Variants in PPM1E observed in about 807,000 individuals in gnomAD.
PPM1E encodes the protein protein phosphatase, Mg2+/Mn2+ dependent 1E, also known as protein phosphatase 1E.
PPM1E carries 20 observed loss-of-function variants against 65.9 expected under a neutral mutation model. The observed-to-expected ratio is 0.30, with a 90% CI of 0.21 to 0.44. PPM1E has a LOEUF of 0.44. Among genes scored for constraint, PPM1E ranks in the 20% least tolerant of loss-of-function variants. PPM1E has a pLI of 1.00. For synonymous variants in PPM1E, 352 were observed against 374.9 expected (o/e 0.94, Z 0.70); for missense variants, 713 against 953.1 (o/e 0.75, Z 3.32).
intron 1 of PPM1E, among the ~76,000 whole-genome samples, chr17:58,907,703 A>G (rs1346493149): frequency 6.6e-6 from 1 of 152,078 alleles, no homozygotes; most frequent in African/African-American, 2.4e-5. Flanking sequence ...GGATTATCAT[A>G]TTTTCTTGGG....
intron 1 of PPM1E, among the ~76,000 whole-genome samples, chr17:58,901,682 A>T (rs1210841898): frequency 1.3e-5 from 2 of 151,636 alleles, no homozygotes; most frequent in Non-Finnish European, 2.9e-5. Context: ...CTCAAAAAAT[A>T]ATAATAAAAT....
intron 6 of PPM1E, among the ~76,000 whole-genome samples, chr17:58,978,224 G>C (rs758754042): frequency 3.9e-5 from 6 of 152,172 alleles, no homozygotes; most frequent in Admixed American, 6.5e-5. Flanking sequence ...TTTGGACCCA[G>C]GCAGTCTGAC....
chr17:58,955,126 A>G (rs2029867590), intron 1 of PPM1E, among the ~76,000 whole-genome samples: 1 of 152,006 alleles, frequency 6.6e-6, no homozygotes. Context: ...GCACTTTGGG[A>G]GGCCAAGGTG....
chr17:58,881,036 T>A (rs893630065), intron 1 of PPM1E, among the ~76,000 whole-genome samples: 1 of 152,184 alleles, frequency 6.6e-6, no homozygotes, highest in African/African-American at 2.4e-5. Flanking sequence ...ACGCAGCAAG[T>A]AAAGTCATTA....
At chr17:58,798,423 C>G (rs965143808) in intron 1 of PPM1E, among the ~76,000 whole-genome samples, 10 of 151,414 alleles carry the variant, frequency 6.6e-5, no homozygotes, top group African/African-American at 2.4e-4. Flanking sequence ...CAGGGTTTCA[C>G]CATGTTGGTC....
chr17:58,934,308 CA>C (rs1283029624), intron 1 of PPM1E, among the ~76,000 whole-genome samples: 2 of 151,882 alleles, frequency 1.3e-5, no homozygotes. Context: ...GTAGTGTGCA[CA>C]AAAAGTTATG....
Position 58,982,891 on chromosome 17 carries a change from C to G in PPM1E, c.*1860C>G. On this transcript the variant is annotated 3_prime_UTR_variant, in exon 7 of 7. Coordinates refer to ENST00000308249, the MANE Select transcript of PPM1E (RefSeq NM_014906.5). ...TGAAGCCTAGATCTTGTTAACCCAT[C>G]AGGTGCAGTGTCAGTTTCAAATCAA... is the stretch of plus-strand genomic sequence containing the variant. 1 of 1,570,880 alleles carries G rather than the reference C, an allele frequency of 6.4e-7. No individual in the cohort carries two copies.
intron 2 of PPM1E, among the ~76,000 whole-genome samples, chr17:58,958,212 A>G (rs1048140006): frequency 6.8e-6 from 1 of 146,740 alleles, no homozygotes; most frequent in Non-Finnish European, 1.5e-5. Context: ...ATTTTTATTT[A>G]TTTTTTTTTT....
intron 1 of PPM1E, among the ~76,000 whole-genome samples, chr17:58,949,768 C>T (rs2052211336): frequency 6.6e-6 from 1 of 152,040 alleles, no homozygotes; most frequent in African/African-American, 2.4e-5. Flanking sequence ...TGTAAGACGC[C>T]CTTGAACATT....
At chr17:58,827,508 C>T (rs2050550909) in intron 1 of PPM1E, among the ~76,000 whole-genome samples, 1 of 152,056 alleles carries the variant, frequency 6.6e-6, no homozygotes, top group Admixed American at 6.5e-5. Flanking sequence ...AACTTAACTA[C>T]CTGGTTATAA....
chr17:58,919,951 G>A (rs916415708), intron 1 of PPM1E, among the ~76,000 whole-genome samples: 2 of 152,150 alleles, frequency 1.3e-5, no homozygotes, highest in African/African-American at 4.8e-5. Flanking sequence ...TCAGGGGAGG[G>A]CAGGGTAGAA....
chr17:58,813,018 G>T (rs1302013990), intron 1 of PPM1E, among the ~76,000 whole-genome samples: 1 of 152,120 alleles, frequency 6.6e-6, no homozygotes, highest in East Asian at 1.9e-4. Context: ...TTGTTTTATG[G>T]CAGTAGTCAT....
intron 1 of PPM1E, among the ~76,000 whole-genome samples, chr17:58,934,307 A>G (rs998150013): frequency 6.6e-6 from 1 of 152,188 alleles, no homozygotes; most frequent in Non-Finnish European, 1.5e-5. Flanking sequence ...TGTAGTGTGC[A>G]CAAAAAGTTA....
At chr17:58,856,537 T>A (rs2050884510) in intron 1 of PPM1E, among the ~76,000 whole-genome samples, 1 of 152,220 alleles carries the variant, frequency 6.6e-6, no homozygotes, top group Non-Finnish European at 1.5e-5. Flanking sequence ...TGGGCTGAAT[T>A]GTCTCCACCA....
rs78591678 is a variant in PPM1E at position 58,871,535 on chromosome 17, C to G, written c.465-84114C>G. On this transcript the variant is annotated intron_variant, in intron 1 of 6. Transcript: ENST00000308249. ...TAATTACTCAAGAAGAAACTTTAGGCCAGGCACAGTGGCTCACACCTGTAA... is the reference window on the plus strand; with the variant it reads ...TAATTACTCAAGAAGAAACTTTAGGGCAGGCACAGTGGCTCACACCTGTAA... Among the ~76,000 whole-genome samples, 19 of 152,180 alleles carry G rather than the reference C, an allele frequency of 1.2e-4. 1 individual carries two copies. In the East Asian group the frequency reaches 3.7e-3, roughly 29 times the overall value.
chr17:58,970,541 G>A (rs2030537604), intron 4 of PPM1E, among the ~76,000 whole-genome samples: 1 of 152,190 alleles, frequency 6.6e-6, no homozygotes, highest in African/African-American at 2.4e-5. Flanking sequence ...GGCTTGGAGA[G>A]ATCAGGGTAA....
At chr17:58,958,353 G>T (rs2029917627) in intron 2 of PPM1E, among the ~76,000 whole-genome samples, 1 of 151,900 alleles carries the variant, frequency 6.6e-6, no homozygotes. Flanking sequence ...TGGGACTACA[G>T]GCATGCATCA....
At chr17:58,910,515 T>C in intron 1 of PPM1E, among the ~76,000 whole-genome samples, 1 of 152,218 alleles carries the variant, frequency 6.6e-6, no homozygotes, top group East Asian at 1.9e-4. Context: ...TTCTGTCTTT[T>C]CAAAATTTTT....
intron 1 of PPM1E, among the ~76,000 whole-genome samples, chr17:58,806,460 T>C (rs1384639397): frequency 6.6e-6 from 1 of 152,094 alleles, no homozygotes. Context: ...AAAAACTTAA[T>C]GTGTGAGAGT....
Sources: allele counts gnomAD v4.1 joint callset (sites outside exome capture counted in the v4.1 genomes callset), GRCh38; gene constraint gnomAD v4.1.1; transcripts MANE v1.5; gene names NCBI Gene and HGNC (gene_info 2026-07-23, HGNC 2026-07-21).